The following ACTR3 variants were observed in gnomAD, a reference collection of about 807,000 sequenced individuals.
The protein encoded by ACTR3 is actin related protein 3, also known as actin-related protein 3.
In ACTR3, 12 loss-of-function variants were observed where a neutral mutation model predicts 56.8. The ratio of observed to expected loss-of-function variants is 0.21; its 90% CI spans 0.14 to 0.34. The LOEUF is 0.34. Among genes scored for constraint, ACTR3 ranks in the 10% least tolerant of loss-of-function variants. The pLI is 1.00. For synonymous variants in ACTR3, 162 were observed against 167.4 expected (o/e 0.97, Z 0.25); for missense variants, 282 against 512.5 (o/e 0.55, Z 4.34).
chr2:113,890,714 G>A, intron 1 of ACTR3: 1 of 1,094,894 alleles, frequency 9.1e-7, no homozygotes, highest in Non-Finnish European at 1.1e-6. Flanking sequence ...CAGTCGGTTT[G>A]GGGACCCAGG....
intron 6 of ACTR3, among the ~76,000 whole-genome samples, chr2:113,938,642 A>G (rs960526671): frequency 6.6e-6 from 1 of 152,118 alleles, no homozygotes; most frequent in Admixed American, 6.5e-5. Context: ...ATTTCTGGCT[A>G]TGTGTGAGCT....
chr2:113,913,646 A>G (rs1245440874), intron 2 of ACTR3, among the ~76,000 whole-genome samples: 7 of 152,188 alleles, frequency 4.6e-5, no homozygotes, highest in Admixed American at 4.6e-4. Flanking sequence ...CTAAGTGCCC[A>G]TGTTTCAAAA....
intron 3 of ACTR3, among the ~76,000 whole-genome samples, chr2:113,920,368 A>T (rs575164599): frequency 6.6e-6 from 1 of 152,304 alleles, no homozygotes; most frequent in South Asian, 2.1e-4. Context: ...TTTTAAAAAA[A>T]TTTTACTTGA....
intron 4 of ACTR3, among the ~76,000 whole-genome samples, chr2:113,928,663 G>T (rs1273815650): frequency 6.6e-6 from 1 of 151,568 alleles, no homozygotes; most frequent in Non-Finnish European, 1.5e-5. Context: ...AGCAGCCATA[G>T]ACAATACTTA....
chr2:113,951,481 T>A lies in ACTR3; in HGVS notation c.861T>A (p.Phe287Leu). The A allele has an allele frequency of 6.2e-7, 1 of 1,603,566 alleles. No individual in the cohort carries two copies. The highest frequency in any genetic ancestry group is 8.5e-7 in the Non-Finnish European group (1 of 1,170,862). ...LGPEIFFHPE[F>L]ANPDFTQPIS... ...TATATATCCAACTTATTTTTCAGTT[T>A]GCTAATCCAGACTTTACACAACCTA... The change falls in exon 9 of 12, where the codon TTT becomes TTA. Residue 287 changes from phenylalanine to leucine, a missense_variant and splice_region_variant. Coordinates refer to ENST00000263238, the MANE Select transcript of ACTR3 (RefSeq NM_005721.5).
chr2:113,949,388 A>AAG (rs1453899037), intron 8 of ACTR3, among the ~76,000 whole-genome samples: 38 of 135,580 alleles, frequency 2.8e-4, no homozygotes, highest in African/African-American at 1.2e-3. Context: ...AAAAAAAAAA[A>AAG]AAAAAGAAAA....
chr2:113,890,226 C>T lies in ACTR3; in HGVS notation c.-54C>T. The T allele has an allele frequency of 1.9e-6, 3 of 1,550,384 alleles. No homozygotes were observed. Among genetic ancestry groups the T allele is most frequent in the South Asian group, 1.2e-5 (1 of 84,024 alleles). On this transcript the variant is annotated 5_prime_UTR_variant, in exon 1 of 12. Coordinates refer to ENST00000263238, the MANE Select transcript of ACTR3 (RefSeq NM_005721.5). ...CTTGTCTCCCGCCGCCAATCTCTGG[C>T]CCCTAGCAGCACGGAGCAGACGGCG... is the stretch of plus-strand genomic sequence containing the variant.
chr2:113,958,599 A>C lies in ACTR3; in HGVS notation c.*1144A>C, dbSNP rs958286017. 6 of 128,784 alleles carry C rather than the reference A, an allele frequency of 4.7e-5. No homozygotes were observed. Among genetic ancestry groups the C allele is most frequent in the Admixed American group, 4.2e-4 (6 of 14,268 alleles). 8.0% of individuals were successfully genotyped at this position (128,784 alleles called of 1,614,324 possible). ...AATTAAAACTGAATTACCTTTTCTA[A>C]TGTTTTTTTTTTTTAAGTAATGTAA... On this transcript the variant is annotated 3_prime_UTR_variant, in exon 12 of 12. Coordinates refer to ENST00000263238, the MANE Select transcript of ACTR3 (RefSeq NM_005721.5).
chr2:113,956,377 ATTT>A (rs768293151), intron 11 of ACTR3, among the ~76,000 whole-genome samples: 3 of 141,906 alleles, frequency 2.1e-5, no homozygotes, highest in African/African-American at 2.6e-5. Context: ...TTTGAATTTA[ATTT>A]TTTTTTTTTT....
intron 2 of ACTR3, 124 bp downstream of exon 2, chr2:113,913,351 G>T: frequency 1.5e-6 from 1 of 671,086 alleles, no homozygotes; most frequent in South Asian, 3.0e-5. Context: ...AACATGATTT[G>T]CCAGGTTCTA....
intron 6 of ACTR3, among the ~76,000 whole-genome samples, chr2:113,937,746 G>A (rs927801855): frequency 3.9e-5 from 6 of 152,072 alleles, no homozygotes; most frequent in African/African-American, 1.4e-4. Context: ...GTTTATTTGG[G>A]TGGCTGTCTT....
chr2:113,911,787 A>C (rs1449896705), intron 1 of ACTR3, among the ~76,000 whole-genome samples: 1 of 151,954 alleles, frequency 6.6e-6, no homozygotes, highest in Non-Finnish European at 1.5e-5. Flanking sequence ...CCCAGGCTGG[A>C]GTGCAGTGGT....
chr2:113,902,985 C>T (rs1679129610), intron 1 of ACTR3, among the ~76,000 whole-genome samples: 1 of 152,202 alleles, frequency 6.6e-6, no homozygotes. Flanking sequence ...GACATAGTTA[C>T]CTTTTTTGTG....
chr2:113,917,632 T>C (rs1263146487), intron 3 of ACTR3, among the ~76,000 whole-genome samples: 1 of 152,250 alleles, frequency 6.6e-6, no homozygotes, highest in Non-Finnish European at 1.5e-5. Flanking sequence ...TCTTATTTTT[T>C]GACACTGACT....
At chr2:113,952,201 T>G in intron 10 of ACTR3, 1 of 183,684 alleles carries the variant, frequency 5.4e-6, no homozygotes, top group East Asian at 1.3e-4. Flanking sequence ...AAAGCTGAGT[T>G]GAGATTGATG....
chr2:113,897,518 ATTTTTTTTTTT>A (rs58363370), intron 1 of ACTR3, among the ~76,000 whole-genome samples: 37 of 98,900 alleles, frequency 3.7e-4, no homozygotes, highest in African/African-American at 1.1e-3. Flanking sequence ...GCCAGATGTT[ATTTTTTTTTTT>A]TTTTTTTTTT....
intron 1 of ACTR3, among the ~76,000 whole-genome samples, chr2:113,906,462 T>C (rs1475942625): frequency 6.6e-6 from 1 of 152,190 alleles, no homozygotes; most frequent in Non-Finnish European, 1.5e-5. Context: ...TACACAAGTT[T>C]TTAATTTTGA....
chr2:113,940,231 T>C, intron 7 of ACTR3, 129 bp downstream of exon 7: 1 of 676,242 alleles, frequency 1.5e-6, no homozygotes, highest in Non-Finnish European at 2.2e-6. Context: ...ATTATTACCC[T>C]TAAATATATT....
chr2:113,905,906 T>G (rs1411321943), intron 1 of ACTR3, among the ~76,000 whole-genome samples: 1 of 152,256 alleles, frequency 6.6e-6, no homozygotes. Context: ...TGTTGATGGA[T>G]GCTTGGGTTG....
Sources: allele counts gnomAD v4.1 joint callset (sites outside exome capture counted in the v4.1 genomes callset), GRCh38; gene constraint gnomAD v4.1.1; transcripts MANE v1.5; gene names NCBI Gene and HGNC (gene_info 2026-07-23, HGNC 2026-07-21).